CEP290: variants seen among roughly 807,000 people sequenced by gnomAD.
CEP290 encodes the protein centrosomal protein 290.
CEP290 carries 317 observed loss-of-function variants against 344.9 expected under a neutral mutation model. That is an observed-to-expected ratio of 0.92 (90% confidence interval 0.84 to 1.01). The LOEUF (loss-of-function observed/expected upper bound fraction) is 1.01, where lower values mean the gene tolerates loss of function less well. Among genes scored for constraint, CEP290 ranks in the 50% least tolerant of loss-of-function variants. The probability of loss-of-function intolerance (pLI) is 0.00; values close to 1 mark genes in which losing one functional copy is unlikely to be tolerated. For synonymous variants in CEP290, 932 were observed against 895.8 expected, an observed-to-expected ratio of 1.04 and a Z score of -0.72; for missense variants, 2,754 against 2,761.4, an observed-to-expected ratio of 1.00 and a Z score of 0.06.
rs545850772 is a variant in CEP290, at chr12:88,109,003, G to A, written c.2483+63C>T. On this transcript the variant is annotated intron_variant, in intron 23 of 53. Transcript: ENST00000552810. ...AGAACAAAACATAAATTATTCTTAC[G>A]TTACTTTCACAATTAACAAGAATAT... The A allele has an allele frequency of 4.2e-4, 235 of 562,374 alleles. 1 individual carries two copies. Among genetic ancestry groups the A allele is most frequent in the Non-Finnish European group, 6.3e-4 (209 of 329,648 alleles). 34.8% of individuals were successfully genotyped at this position (562,374 alleles called of 1,614,324 possible). A position where few individuals can be genotyped will look rare whatever the true frequency, so the allele number is the denominator to read the frequency against.
At chr12:88,068,967 A>T (rs2035158439) in intron 43 of CEP290, among the ~76,000 whole-genome samples, 2 of 152,178 alleles carry the variant, frequency 1.3e-5, no homozygotes, top group African/African-American at 4.8e-5. Context: ...TTAAACTAAA[A>T]TACTTACTAT....
At chr12:88,123,013 T>C (rs1215825008) in intron 13 of CEP290, among the ~76,000 whole-genome samples, 1 of 152,060 alleles carries the variant, frequency 6.6e-6, no homozygotes, top group Non-Finnish European at 1.5e-5. Context: ...CAAATTCCCA[T>C]TACCAGGATG....
chr12:88,071,594 A>C, intron 42 of CEP290, 145 bp from the exon 43 acceptor site: 1 of 851,040 alleles, frequency 1.2e-6, no homozygotes, highest in South Asian at 2.1e-5. Context: ...AGGAAAATCC[A>C]TCTATAATTG....
In CEP290 at chr12:88,083,214, G is replaced by A; in HGVS notation, c.4829C>T (p.Ser1610Phe). The change falls in exon 37 of 54, where the codon TCT becomes TTT. Residue 1610 changes from serine to phenylalanine, a missense_variant. Physicochemically the swap from Ser to Phe is radical, Grantham distance 155. Transcript: ENST00000552810. ...CTTGTTGGTAGGAACTGGAGTGGGA[G>A]ACTGTTTCATTAAATCCTATAAAAT... is the stretch of plus-strand genomic sequence containing the variant. ...KQTAWDLMKQSPTPVPTNKHF... is the reference protein window; with the variant it reads ...KQTAWDLMKQFPTPVPTNKHF... 1 of 1,485,484 alleles carries A rather than the reference G, an allele frequency of 6.7e-7. No homozygotes were observed. The highest frequency in any genetic ancestry group is 8.9e-7 in the Non-Finnish European group (1 of 1,121,088). 92.0% of individuals were successfully genotyped at this position (1,485,484 alleles called of 1,614,324 possible).
intron 49 of CEP290, chr12:88,058,539 C>A (rs1306264599): frequency 9.7e-6 from 3 of 310,866 alleles, no homozygotes; most frequent in African/African-American, 2.2e-5. Context: ...AGAAGCTGAG[C>A]AGCCTCAGCC....
intron 29 of CEP290, among the ~76,000 whole-genome samples, chr12:88,092,242 G>A (rs577055443): frequency 2.8e-4 from 43 of 152,170 alleles, no homozygotes; most frequent in African/African-American, 9.6e-4. Context: ...GTAGATGCCC[G>A]ATAAATGTAA....
intron 37 of CEP290, among the ~76,000 whole-genome samples, chr12:88,080,915 T>C (rs1427830373): frequency 6.6e-6 from 1 of 152,250 alleles, no homozygotes; most frequent in Non-Finnish European, 1.5e-5. Flanking sequence ...ATTTTTCTTC[T>C]AGTTTCTAAT....
chr12:88,102,081 A>G (rs1224819728), intron 26 of CEP290, among the ~76,000 whole-genome samples: 1 of 152,182 alleles, frequency 6.6e-6, no homozygotes, highest in Non-Finnish European at 1.5e-5. Flanking sequence ...ATCTTAGATA[A>G]GAATAATCCA....
chr12:88,078,322 G>A (rs1341510917), intron 39 of CEP290, among the ~76,000 whole-genome samples: 1 of 152,016 alleles, frequency 6.6e-6, no homozygotes, highest in Non-Finnish European at 1.5e-5. Flanking sequence ...TTCTAACCTA[G>A]TTTACAAAGA....
chr12:88,060,355 C>T (rs575298748), intron 47 of CEP290, among the ~76,000 whole-genome samples: 7 of 152,126 alleles, frequency 4.6e-5, no homozygotes, highest in African/African-American at 7.2e-5. Context: ...GTCAGGAGAT[C>T]GAGACAGTCC....
At chr12:88,118,410 C>T (rs1414492863) in intron 17 of CEP290, 73 bp downstream of exon 17, 16 of 1,215,840 alleles carry the variant, frequency 1.3e-5, no homozygotes, top group Non-Finnish European at 1.9e-5. Flanking sequence ...ACAGCTAAGA[C>T]ACAAATAATT....
chr12:88,050,300 T>C (rs1592708080), intron 53 of CEP290, 54 bp downstream of exon 53: 1 of 835,966 alleles, frequency 1.2e-6, no homozygotes, highest in Non-Finnish European at 2.0e-6. Context: ...GTAATGAAAA[T>C]AGTTTTCAAC....
At chr12:88,109,973 C>CATAT (rs1565882105) in intron 22 of CEP290, among the ~76,000 whole-genome samples, 1 of 152,026 alleles carries the variant, frequency 6.6e-6, no homozygotes, top group African/African-American at 2.4e-5. Context: ...ATATCACATA[C>CATAT]AAAGCAATAT....
At chr12:88,095,949 G>A (rs991270438) in intron 27 of CEP290, among the ~76,000 whole-genome samples, 9 of 152,024 alleles carry the variant, frequency 5.9e-5, no homozygotes, top group African/African-American at 2.2e-4. Flanking sequence ...TGTTCACTGT[G>A]GCACTATAAG....
At chr12:88,060,092 T>G in intron 47 of CEP290, 72 bp from the exon 48 acceptor site, 1 of 1,227,016 alleles carries the variant, frequency 8.1e-7, no homozygotes, top group Non-Finnish European at 1.1e-6. Context: ...TCTTATAAAC[T>G]CATAAATCTT....
chr12:88,139,146 T>C lies in CEP290; in HGVS notation c.296A>G (p.Glu99Gly). The C allele has an allele frequency of 8.6e-7, 1 of 1,160,534 alleles. No individual in the cohort carries two copies. The highest frequency in any genetic ancestry group is 1.2e-6 in the Non-Finnish European group (1 of 833,428). The allele number at this position is 1,160,534 out of a possible 1,614,324, so 71.9% of individuals were successfully genotyped here. A position where few individuals can be genotyped will look rare whatever the true frequency, so the allele number is the denominator to read the frequency against. Residue 99 changes from glutamate to glycine, a missense_variant and splice_region_variant, in exon 5 of 54, where the codon GAG (glutamate) becomes GGG (glycine). By Grantham distance (98) the Glu-to-Gly change is moderately conservative (BLOSUM62 -2). Coordinates refer to ENST00000552810, the MANE Select transcript of CEP290 (RefSeq NM_025114.4). ...TKVMKLENEL[E>G]MAQQSAGGRD... is the part of the protein sequence containing the mutation. ...CCTAGGGAATACAAAAAGACATACC[T>C]CCAGTTCATTTTCCAGTTTCATTAC...
chr12:88,104,472 G>A (rs551634603), intron 25 of CEP290, among the ~76,000 whole-genome samples: 6 of 152,086 alleles, frequency 3.9e-5, no homozygotes, highest in Admixed American at 3.3e-4. Context: ...TACCTACAGA[G>A]GGTGGAGCAG....
At position 88,050,334 on chromosome 12, in the gene CEP290, A is replaced by C; in HGVS notation, c.7209+20T>G. The C allele has an allele frequency of 7.9e-7, 1 of 1,271,900 alleles. No individual in the cohort carries two copies. The highest frequency in any genetic ancestry group is 1.1e-6 in the Non-Finnish European group (1 of 889,192). The allele number at this position is 1,271,900 out of a possible 1,614,324, so 78.8% of individuals were successfully genotyped here. On this transcript the variant is annotated intron_variant, in intron 53 of 53. Coordinates refer to ENST00000552810, the MANE Select transcript of CEP290 (RefSeq NM_025114.4). ...ACAGCTGTTTTCACAAAACGATACT[A>C]AAATATAATTAAATATTACCTTCAA...
rs1332938189 is a variant in CEP290, at chr12:88,049,377, A to G, written c.7247T>C (p.Phe2416Ser). 3.2e-6 allele frequency: 5 copies of G among 1,549,030 alleles called. No individual in the cohort carries two copies. Among genetic ancestry groups the G allele is most frequent in the African/African-American group, 1.4e-5 (1 of 72,754 alleles). The change falls in exon 54 of 54, where the codon TTT becomes TCT. Residue 2416 changes from phenylalanine to serine, a missense_variant. Transcript: ENST00000552810. The part of the protein sequence containing the change: ...IKKLKKELEN[F>S]DPSFFEEIED... ...AATTTCTTCAAAAAATGAAGGATCA[A>G]AATTTTCCAGTTCTTTTTTCAGCTT...
Sources: gnomAD v4.1 joint callset for allele counts (sites outside exome capture counted in the v4.1 genomes callset) on GRCh38, gnomAD v4.1.1 for gene constraint, MANE v1.5 for transcripts, NCBI Gene and HGNC (gene_info 2026-07-23, HGNC 2026-07-21) for gene names.